Variants in NAALADL2 observed in about 807,000 individuals in gnomAD.
The protein encoded by NAALADL2 is inactive N-acetylated-alpha-linked acidic dipeptidase-like protein 2.
In NAALADL2, 76 loss-of-function variants were observed where a neutral mutation model predicts 87.2. That is an observed-to-expected ratio of 0.87 (90% CI 0.72 to 1.05). The LOEUF (loss-of-function observed/expected upper bound fraction) is 1.05, where lower values mean the gene tolerates loss of function less well. Ranked by LOEUF, NAALADL2 falls within the 50% of genes least tolerant of loss-of-function variation. The probability of loss-of-function intolerance (pLI) is 0.00; values close to 1 mark genes in which losing one functional copy is unlikely to be tolerated. For synonymous variants in NAALADL2, 354 were observed against 331.0 expected (o/e 1.07, Z -0.75); for missense variants, 1,089 against 945.8 (o/e 1.15, Z -1.99).
At chr3:175,200,773 A>C (rs1560155479) in intron 2 of NAALADL2, among the ~76,000 whole-genome samples, 1 of 152,186 alleles carries the variant, frequency 6.6e-6, no homozygotes, top group Non-Finnish European at 1.5e-5. Context: ...CTTTCCTGCA[A>C]ACTTTTCTTG....
intron 2 of NAALADL2, among the ~76,000 whole-genome samples, chr3:174,614,003 G>C (rs1720200325): frequency 6.6e-6 from 1 of 152,170 alleles, no homozygotes; most frequent in South Asian, 2.1e-4. Flanking sequence ...TAGAAAGGGG[G>C]TCTCAGGACT....
intron 13 of NAALADL2, among the ~76,000 whole-genome samples, chr3:175,768,471 G>T (rs2150170294): frequency 6.6e-6 from 1 of 152,292 alleles, no homozygotes; most frequent in South Asian, 2.1e-4. Context: ...AGTTACCAGA[G>T]ATGGTAAATT....
chr3:174,567,901 A>G (rs939628047), intron 2 of NAALADL2, among the ~76,000 whole-genome samples: 5 of 151,730 alleles, frequency 3.3e-5, no homozygotes, highest in Non-Finnish European at 5.9e-5. Context: ...TTTCATTAGA[A>G]GGTCGTAGAG....
intron 1 of NAALADL2, among the ~76,000 whole-genome samples, chr3:174,906,775 A>G (rs1295639023): frequency 2.0e-5 from 3 of 152,096 alleles, no homozygotes; most frequent in African/African-American, 7.2e-5. Flanking sequence ...GAAAATGTGA[A>G]ATAACTTGTT....
At chr3:175,620,929 G>A (rs1021608392) in intron 10 of NAALADL2, among the ~76,000 whole-genome samples, 6 of 152,212 alleles carry the variant, frequency 3.9e-5, no homozygotes, top group Non-Finnish European at 8.8e-5. Context: ...TCAGCTTCAA[G>A]AGGGGACCCA....
chr3:175,573,921 A>G (rs907222617), intron 9 of NAALADL2, among the ~76,000 whole-genome samples: 5 of 152,226 alleles, frequency 3.3e-5, no homozygotes, highest in African/African-American at 1.2e-4. Flanking sequence ...ATCAGCCAAA[A>G]TAGTTGTAAA....
intron 1 of NAALADL2, among the ~76,000 whole-genome samples, chr3:174,938,741 T>C (rs977012730): frequency 6.6e-6 from 1 of 152,170 alleles, no homozygotes; most frequent in Admixed American, 6.6e-5. Context: ...TATCTCTTTG[T>C]GGTTTTGATT....
chr3:174,961,882 C>G (rs1742054522), intron 1 of NAALADL2, among the ~76,000 whole-genome samples: 1 of 152,008 alleles, frequency 6.6e-6, no homozygotes, highest in Non-Finnish European at 1.5e-5. Flanking sequence ...CACAGCAACC[C>G]TGATGTAACC....
At chr3:175,581,399 G>A (rs1032251578) in intron 10 of NAALADL2, among the ~76,000 whole-genome samples, 4 of 152,116 alleles carry the variant, frequency 2.6e-5, no homozygotes, top group African/African-American at 7.2e-5. Context: ...CCGAGATGGC[G>A]CCACTGCACT....
At chr3:174,586,609 A>G (rs1716753466) in intron 2 of NAALADL2, among the ~76,000 whole-genome samples, 1 of 152,178 alleles carries the variant, frequency 6.6e-6, no homozygotes. Context: ...ATCCTCCCGC[A>G]TCAGCCTCCA....
chr3:175,060,531 T>G (rs866957673), intron 1 of NAALADL2, among the ~76,000 whole-genome samples: 1 of 152,354 alleles, frequency 6.6e-6, no homozygotes, highest in Non-Finnish European at 1.5e-5. Context: ...AAAATTAATC[T>G]CAATTGTATG....
At chr3:175,782,629 C>A (rs1215949040) in intron 13 of NAALADL2, among the ~76,000 whole-genome samples, 6 of 136,314 alleles carry the variant, frequency 4.4e-5, no homozygotes, top group Non-Finnish European at 9.1e-5. Flanking sequence ...GAGTAGGTTG[C>A]GAAAATTTTC....
chr3:175,400,837 G>A (rs1156445719), intron 5 of NAALADL2, among the ~76,000 whole-genome samples: 1 of 152,046 alleles, frequency 6.6e-6, no homozygotes, highest in South Asian at 2.1e-4. Flanking sequence ...GCCTTAGAAT[G>A]TCTCCCAACA....
intron 3 of NAALADL2, among the ~76,000 whole-genome samples, chr3:174,820,524 A>G (rs1249399492): frequency 1.3e-5 from 2 of 152,168 alleles, no homozygotes; most frequent in Non-Finnish European, 2.9e-5. Context: ...AACAAAAGAA[A>G]CTTGATAGGG....
intron 3 of NAALADL2, among the ~76,000 whole-genome samples, chr3:174,750,404 T>G (rs1734705598): frequency 2.1e-5 from 3 of 143,950 alleles, no homozygotes; most frequent in African/African-American, 7.7e-5. Flanking sequence ...ATTTCCATTC[T>G]TCTTCTTCTT....
At chr3:174,652,746 A>T (rs1724502935) in intron 2 of NAALADL2, among the ~76,000 whole-genome samples, 1 of 152,284 alleles carries the variant, frequency 6.6e-6, no homozygotes, top group South Asian at 2.1e-4. Flanking sequence ...TATTATATTC[A>T]ATTAAGAACT....
intron 10 of NAALADL2, among the ~76,000 whole-genome samples, chr3:175,603,820 C>A (rs1026246925): frequency 6.6e-6 from 1 of 151,518 alleles, no homozygotes; most frequent in East Asian, 1.9e-4. Context: ...GGCAAGACCC[C>A]ATCTATAAAA....
At chr3:174,860,603 AT>A (rs1426441751) in intron 1 of NAALADL2, among the ~76,000 whole-genome samples, 6 of 152,088 alleles carry the variant, frequency 3.9e-5, no homozygotes, top group African/African-American at 1.4e-4. Flanking sequence ...TGTGCATATG[AT>A]AATGATTTTA....
intron 2 of NAALADL2, among the ~76,000 whole-genome samples, chr3:174,715,356 G>T (rs149541530): frequency 1.3e-5 from 2 of 152,044 alleles, no homozygotes; most frequent in East Asian, 1.9e-4. Flanking sequence ...TTAATTATTT[G>T]TGCTTCCAAT....
Sources: gnomAD v4.1 joint callset for allele counts (sites outside exome capture counted in the v4.1 genomes callset) on GRCh38, gnomAD v4.1.1 for gene constraint, MANE v1.5 for transcripts, NCBI Gene and HGNC (gene_info 2026-07-23, HGNC 2026-07-21) for gene names.